AXDND1: variants seen among roughly 807,000 people sequenced by gnomAD.
AXDND1 encodes the protein axonemal dynein light chain domain-containing protein 1.
In AXDND1, 110 loss-of-function variants were observed where a neutral mutation model predicts 137.5. The observed-to-expected ratio is 0.80, with a 90% CI of 0.69 to 0.94. The LOEUF is 0.94. Among genes scored for constraint, AXDND1 ranks in the 40% least tolerant of loss-of-function variants. The pLI is 0.00. For synonymous variants in AXDND1, 414 were observed against 399.7 expected (o/e 1.04, Z -0.43); for missense variants, 1,191 against 1,169.8 (o/e 1.02, Z -0.26).
chr1:179,533,802 C>A lies in AXDND1; in HGVS notation c.2723C>A (p.Ser908Ter). The A allele has an allele frequency of 6.2e-7, 1 of 1,610,986 alleles. No individual in the cohort carries two copies. Among genetic ancestry groups the A allele is most frequent in the South Asian group, 1.1e-5 (1 of 90,934 alleles). ...ETDVLSSWRE[S>*]AKQGTLAQKY... ...TCATATTTCCTCTGTCAGAGAGAGTCAGCTAAGCAAGGTACATTGGCCCAA... is the reference window on the plus strand; with the variant it reads ...TCATATTTCCTCTGTCAGAGAGAGTAAGCTAAGCAAGGTACATTGGCCCAA... Residue 908 changes from serine to a stop codon, truncating the protein, a stop_gained, in exon 24 of 26, where the codon TCA becomes TAA. Transcript: ENST00000367618. LOFTEE classifies it high-confidence loss of function.
At chr1:179,520,096 C>T (rs1669913265) in intron 21 of AXDND1, among the ~76,000 whole-genome samples, 1 of 152,120 alleles carries the variant, frequency 6.6e-6, no homozygotes, top group Non-Finnish European at 1.5e-5. Flanking sequence ...AGAGATCTTT[C>T]ACCTTCCTAG....
intron 21 of AXDND1, among the ~76,000 whole-genome samples, chr1:179,510,944 T>G (rs1188490925): frequency 6.7e-6 from 1 of 149,238 alleles, no homozygotes; most frequent in East Asian, 2.0e-4. Flanking sequence ...ATCATTCTTA[T>G]GCCTTTGCAT....
intron 4 of AXDND1, among the ~76,000 whole-genome samples, chr1:179,378,373 G>A (rs1188535331): frequency 6.6e-6 from 1 of 152,140 alleles, no homozygotes; most frequent in South Asian, 2.1e-4. Context: ...ATAGCCATAG[G>A]AAAGAGAATA....
intron 15 of AXDND1, among the ~76,000 whole-genome samples, chr1:179,436,318 T>A (rs191548923): frequency 6.6e-6 from 1 of 152,260 alleles, no homozygotes; most frequent in African/African-American, 2.4e-5. Context: ...AGAAATACCA[T>A]TTGACAGCAA....
At chr1:179,453,949 T>C (rs1660911074) in intron 16 of AXDND1, 1 of 152,194 alleles carries the variant, frequency 6.6e-6, no homozygotes, top group Non-Finnish European at 1.5e-5. Context: ...AGGAAGTGAC[T>C]AACTTGCTTT....
At chr1:179,383,307 A>G in intron 7 of AXDND1, 135 bp from the exon 8 acceptor site, 1 of 621,028 alleles carries the variant, frequency 1.6e-6, no homozygotes, top group Non-Finnish European at 2.8e-6. Flanking sequence ...TAATAGACAC[A>G]GGTCTAATGC....
intron 17 of AXDND1, among the ~76,000 whole-genome samples, chr1:179,478,339 T>C (rs1485351246): frequency 3.3e-5 from 5 of 152,236 alleles, no homozygotes; most frequent in African/African-American, 1.2e-4. Flanking sequence ...GCAGCAAACT[T>C]CTGCCTGGAC....
At chr1:179,511,188 C>T (rs1472561759) in intron 21 of AXDND1, among the ~76,000 whole-genome samples, 8 of 151,698 alleles carry the variant, frequency 5.3e-5, no homozygotes, top group Middle Eastern at 6.8e-3. Context: ...AAAAGTTTCT[C>T]CAGTCTCATC....
chr1:179,462,363 T>A (rs2125448577), intron 16 of AXDND1, among the ~76,000 whole-genome samples: 1 of 152,362 alleles, frequency 6.6e-6, no homozygotes, highest in Non-Finnish European at 1.5e-5. Context: ...GATTTTCATA[T>A]GTTGAGCCAG....
intron 17 of AXDND1, among the ~76,000 whole-genome samples, chr1:179,470,477 T>C (rs954327714): frequency 3.3e-5 from 5 of 152,204 alleles, no homozygotes; most frequent in African/African-American, 1.2e-4. Context: ...GGATCTTCTT[T>C]AATTTCTTCT....
At chr1:179,534,611 T>A in intron 24 of AXDND1, 119 bp from the exon 25 acceptor site, 3 of 1,305,178 alleles carry the variant, frequency 2.3e-6, no homozygotes, top group East Asian at 2.7e-5. Flanking sequence ...GTTGCTTCCC[T>A]TATTTCTACC....
intron 16 of AXDND1, chr1:179,456,992 T>A: frequency 2.6e-6 from 4 of 1,568,380 alleles, no homozygotes; most frequent in Non-Finnish European, 3.5e-6. Flanking sequence ...TTCTTCAGTG[T>A]CTTCTTTAAT....
chr1:179,551,333 G>A, intron 25 of AXDND1: 1 of 1,614,168 alleles, frequency 6.2e-7, no homozygotes, highest in East Asian at 2.2e-5. Context: ...CTTCTCTGTG[G>A]ACAGAGACTG....
intron 12 of AXDND1, among the ~76,000 whole-genome samples, chr1:179,418,995 G>T (rs1655204137): frequency 6.6e-6 from 1 of 151,464 alleles, no homozygotes; most frequent in Non-Finnish European, 1.5e-5. Context: ...CGGGGCAGAG[G>T]CGCTCCCCAC....
At chr1:179,538,224 C>T (rs1671752923) in intron 25 of AXDND1, among the ~76,000 whole-genome samples, 1 of 152,040 alleles carries the variant, frequency 6.6e-6, no homozygotes, top group African/African-American at 2.4e-5. Flanking sequence ...TTATTTCTGT[C>T]TTCTGCTAGC....
intron 9 of AXDND1, among the ~76,000 whole-genome samples, chr1:179,390,675 A>G (rs12731823): frequency 0.43 from 44,223 of 103,476 alleles, 6,638 homozygotes; most frequent in Non-Finnish European, 0.44. Flanking sequence ...GATATTCCAA[A>G]TAATTAGGGC....
intron 12 of AXDND1, among the ~76,000 whole-genome samples, chr1:179,418,667 G>T (rs1407203744): frequency 1.4e-5 from 2 of 141,198 alleles, no homozygotes; most frequent in Non-Finnish European, 3.2e-5. Flanking sequence ...CGGGTGGGGG[G>T]CCGACACCAC....
intron 22 of AXDND1, among the ~76,000 whole-genome samples, chr1:179,526,585 T>A: frequency 6.6e-6 from 1 of 152,228 alleles, no homozygotes; most frequent in African/African-American, 2.4e-5. Context: ...ACTTCTTTGA[T>A]ATATTTCTTC....
At position 179,527,108 on chromosome 1, in the gene AXDND1, A is replaced by G. The variant is rs576255527; in HGVS notation, c.2611-1219A>G. On this transcript the variant is annotated intron_variant, in intron 22 of 25. Transcript: ENST00000367618. ...ATAAAAGAACAGCTACTCCATAGAC[A>G]GAGTAGCCTTAAGGGCTGCTGGTTG... is the stretch of plus-strand genomic sequence containing the variant. Among the ~76,000 whole-genome samples the G allele has an allele frequency of 1.3e-4, 20 of 152,332 alleles. No individual in the cohort carries two copies. The East Asian group carries it at 3.7e-3, about 28-fold the overall frequency.
Sources: allele counts gnomAD v4.1 joint callset (sites outside exome capture counted in the v4.1 genomes callset), GRCh38; gene constraint gnomAD v4.1.1; transcripts MANE v1.5; gene names NCBI Gene and HGNC (gene_info 2026-07-23, HGNC 2026-07-21).